The following ZNF100 variants were observed in gnomAD, a reference collection of about 807,000 sequenced individuals.
ZNF100 encodes zinc finger protein 100 (Y1).
In ZNF100, 12 loss-of-function variants were observed where a neutral mutation model predicts 15.8. The observed-to-expected ratio is 0.76, with a 90% confidence interval of 0.49 to 1.23. The LOEUF (loss-of-function observed/expected upper bound fraction) is 1.23. Ranked by LOEUF, ZNF100 falls within the 50% of genes most tolerant of loss-of-function variation. The pLI is 0.00. For synonymous variants in ZNF100, 226 were observed against 214.8 expected (o/e 1.05, Z -0.45); for missense variants, 670 against 635.6 (o/e 1.05, Z -0.58).
At chr19:21,761,543 A>C (rs1368940836) in intron 2 of ZNF100, among the ~76,000 whole-genome samples, 1 of 152,208 alleles carries the variant, frequency 6.6e-6, no homozygotes, top group East Asian at 1.9e-4. Context: ...TAAATAAAAA[A>C]ATTTCTTATC....
chr19:21,765,077 T>A (rs2036537892), intron 2 of ZNF100, among the ~76,000 whole-genome samples: 1 of 152,212 alleles, frequency 6.6e-6, no homozygotes, highest in Non-Finnish European at 1.5e-5. Flanking sequence ...ATGAGAATTT[T>A]TAACAAATTT....
At chr19:21,761,085 G>T (rs1056086239) in intron 2 of ZNF100, among the ~76,000 whole-genome samples, 1 of 151,992 alleles carries the variant, frequency 6.6e-6, no homozygotes, top group African/African-American at 2.4e-5. Flanking sequence ...TACTAATGGA[G>T]AACTAAAATG....
chr19:21,739,491 G>C (rs1480013089), intron 4 of ZNF100, among the ~76,000 whole-genome samples: 1 of 151,058 alleles, frequency 6.6e-6, no homozygotes, highest in Non-Finnish European at 1.5e-5. Flanking sequence ...AGCAGGCTGA[G>C]GTTGCAGTGA....
At chr19:21,765,566 A>G (rs1436772270) in intron 2 of ZNF100, 128 bp downstream of exon 2, 4 of 798,582 alleles carry the variant, frequency 5.0e-6, no homozygotes, top group Non-Finnish European at 8.2e-6. Flanking sequence ...CCCTTAGATG[A>G]TCCAGGGAGC....
chr19:21,745,858 C>T (rs1268675676), intron 2 of ZNF100, among the ~76,000 whole-genome samples: 30 of 152,128 alleles, frequency 2.0e-4, no homozygotes, highest in Admixed American at 2.0e-3. Flanking sequence ...CTAGTAATGC[C>T]AAAGTTTTTG....
intron 1 of ZNF100, among the ~76,000 whole-genome samples, chr19:21,766,684 T>C (rs1187157720): frequency 2.0e-5 from 3 of 152,180 alleles, no homozygotes; most frequent in African/African-American, 4.8e-5. Context: ...TCTATGATTC[T>C]TGAATCACTG....
intron 4 of ZNF100, among the ~76,000 whole-genome samples, chr19:21,738,319 A>C (rs1196204517): frequency 1.4e-5 from 2 of 147,812 alleles, no homozygotes; most frequent in Non-Finnish European, 3.0e-5. Flanking sequence ...ACTATTTTAA[A>C]ATTAATGTGG....
intron 4 of ZNF100, among the ~76,000 whole-genome samples, chr19:21,738,914 C>T (rs1045528254): frequency 6.6e-6 from 1 of 152,110 alleles, no homozygotes; most frequent in Non-Finnish European, 1.5e-5. Context: ...CATTGCACTC[C>T]AGCCTAGACT....
At chr19:21,745,098 T>C in intron 2 of ZNF100, 31 bp from the exon 3 acceptor site, 3 of 1,575,770 alleles carry the variant, frequency 1.9e-6, no homozygotes, top group South Asian at 2.3e-5. Flanking sequence ...GACACACATA[T>C]ATTTACCAAG....
chr19:21,765,751 T>A lies in ZNF100; in HGVS notation c.39A>T (p.Gly13=). Residue 13 remains glycine, a synonymous_variant, in exon 2 of 5, where the codon GGA becomes GGT. Coordinates refer to ENST00000358296, the MANE Select transcript of ZNF100 (RefSeq NM_173531.4). The part of the protein sequence containing the change: ...DPRYGMCPLK[G]ASGCPGAERS... ...TCTCAGCCCCAGGGCATCCACTTGCTCCCTTGAGAGGACACATTCCATACC... is the reference window on the plus strand; with the variant it reads ...TCTCAGCCCCAGGGCATCCACTTGCACCCTTGAGAGGACACATTCCATACC... 6.2e-7 allele frequency: 1 copy of A among 1,614,136 alleles called. No individual in the cohort carries two copies. The highest frequency in any genetic ancestry group is 1.3e-5 in the African/African-American group (1 of 75,038).
chr19:21,744,114 T>G lies in ZNF100; in HGVS notation c.225A>C (p.Ala75=). 6.2e-7 allele frequency: 1 copy of G among 1,602,368 alleles called. No individual in the cohort carries two copies. Among genetic ancestry groups the G allele is most frequent in the Non-Finnish European group, 8.5e-7 (1 of 1,175,734 alleles). ...GGTCTGGCTTAGTGAGAGCAATACCTGCTTTATTAGAAATAAATAACATGA... is the reference window on the plus strand; with the variant it reads ...GGTCTGGCTTAGTGAGAGCAATACCGGCTTTATTAGAAATAAATAACATGA... ...LENYRNLVFL[A]GIALTKPDLI... Residue 75 remains alanine (A), a splice_region_variant and synonymous_variant, in exon 4 of 5, where the codon GCA becomes GCC. Transcript: ENST00000358296.
rs555200297 is a variant in ZNF100 at position 21,745,105 on chromosome 19, C to A, written c.97-38G>T. 8.9e-6 allele frequency: 14 copies of A among 1,570,876 alleles called. No homozygotes were observed. The African/African-American group carries it at 1.9e-4, about 22-fold the overall frequency. The stretch of plus-strand genomic sequence containing the variant: ...AGCACAGAGACACACATATATTTAC[C>A]AAGTGGCCATGGGCAGAATTTATTA... On this transcript the variant is annotated intron_variant, in intron 2 of 4. Transcript: ENST00000358296.
chr19:21,746,254 A>G (rs563748334), intron 2 of ZNF100, among the ~76,000 whole-genome samples: 1 of 152,242 alleles, frequency 6.6e-6, no homozygotes, highest in Non-Finnish European at 1.5e-5. Flanking sequence ...ATACAGAAAC[A>G]TCAGTTTTAT....
rs946927857 is a variant in ZNF100, at chr19:21,725,345, A to C, written c.*1338T>G. 2 of 152,144 alleles carry C rather than the reference A, an allele frequency of 1.3e-5. No individual in the cohort carries two copies. The highest frequency in any genetic ancestry group is 2.9e-5 in the Non-Finnish European group (2 of 68,018). 9.4% of individuals were successfully genotyped at this position (152,144 alleles called of 1,614,324 possible). On this transcript the variant is annotated 3_prime_UTR_variant, in exon 5 of 5. Transcript: ENST00000358296. ...TAAAAAATATACTGCATTTTATATA[A>C]AAGTATTAGTAAAATATACTAATTT...
At chr19:21,763,130 G>T (rs991857240) in intron 2 of ZNF100, among the ~76,000 whole-genome samples, 1 of 152,038 alleles carries the variant, frequency 6.6e-6, no homozygotes, top group Admixed American at 6.5e-5. Flanking sequence ...GCAGTCCTTG[G>T]GGCTGCTCTG....
intron 2 of ZNF100, chr19:21,750,467 G>C (rs35251105): frequency 0.086 from 13,135 of 152,268 alleles, 735 homozygotes; most frequent in South Asian, 0.18. Flanking sequence ...CTGGAGAACC[G>C]AATCCAGGAG....
rs763305626 is a variant in ZNF100 at position 21,723,360 on chromosome 19, CA to C, written c.*3322del. On this transcript the variant is annotated 3_prime_UTR_variant, in exon 5 of 5. Transcript: ENST00000358296. ...GGGCAACAAGAGTGAGACTCTGTCT[CA>C]AAAAAAAAAAAAAAAAAAAAAACAA... 0.072 allele frequency: 3,787 copies of C among 52,922 alleles called. 19 individuals are homozygous for C. The highest frequency in any genetic ancestry group is 0.2 in the East Asian group (386 of 1,908). 3.3% of individuals were successfully genotyped at this position (52,922 alleles called of 1,614,324 possible). A position where few individuals can be genotyped will look rare whatever the true frequency, so the allele number is the denominator to read the frequency against.
intron 4 of ZNF100, 85 bp downstream of exon 4, chr19:21,743,932 T>G (rs2145716844): frequency 5.1e-6 from 7 of 1,364,356 alleles, no homozygotes; most frequent in Middle Eastern, 1.9e-4. Context: ...GAACATAGCT[T>G]CCCAAACCAC....
rs1383533943 is a variant in ZNF100, at chr19:21,726,465, G to C, written c.*218C>G. 3.5e-5 allele frequency: 18 copies of C among 512,528 alleles called. No homozygotes were observed. In the East Asian group the frequency reaches 5.6e-4, roughly 16 times the overall value. The allele number at this position is 512,528 out of a possible 1,614,324, so 31.7% of individuals were successfully genotyped here. A position where few individuals can be genotyped will look rare whatever the true frequency, so the allele number is the denominator to read the frequency against. ...CATTTCTAGGATTTCTCAACACTAT[G>C]ATTTATGTTTTGAAAAGTTTGAGGT... On this transcript the variant is annotated 3_prime_UTR_variant, in exon 5 of 5. Transcript: ENST00000358296.
Sources: allele counts gnomAD v4.1 joint callset (sites outside exome capture counted in the v4.1 genomes callset), GRCh38; gene constraint gnomAD v4.1.1; transcripts MANE v1.5; gene names NCBI Gene and HGNC (gene_info 2026-07-23, HGNC 2026-07-21).